The following HSD17B12 variants were observed in gnomAD, a reference collection of about 807,000 sequenced individuals.
The protein encoded by HSD17B12 is very-long-chain 3-oxoacyl-CoA reductase.
A neutral mutation model predicts 39.3 loss-of-function variants in HSD17B12; 32 were observed. That is an observed-to-expected ratio of 0.81 (90% CI 0.61 to 1.09). The LOEUF (loss-of-function observed/expected upper bound fraction) is 1.09, where lower values mean the gene tolerates loss of function less well. Among genes scored for constraint, HSD17B12 ranks in the 50% least tolerant of loss-of-function variants. The pLI is 0.00. For missense variants in HSD17B12, 342 were observed against 382.9 expected (o/e 0.89, Z 0.89); for synonymous variants, 150 against 146.7 (o/e 1.02, Z -0.16).
At chr11:43,690,386 A>G (rs1430756196) in intron 1 of HSD17B12, among the ~76,000 whole-genome samples, 2 of 10,310 alleles carry the variant, frequency 1.9e-4, no homozygotes, top group African/African-American at 9.0e-4. Context: ...ATATATATAT[A>G]TATATATATA....
At chr11:43,604,063 A>G in the HSD17B12 span, among the ~76,000 whole-genome samples, 2 of 152,196 alleles carry the variant, frequency 1.3e-5, no homozygotes, top group Non-Finnish European at 2.9e-5. Context: ...ATTATGTAAC[A>G]TAGGCTTATT....
intron 4 of HSD17B12, among the ~76,000 whole-genome samples, chr11:43,812,464 A>G (rs995966143): frequency 1.3e-5 from 2 of 152,138 alleles, no homozygotes; most frequent in African/African-American, 4.8e-5. Context: ...GATTTCTGTG[A>G]TGATTGGTGA....
chr11:43,721,050 A>G (rs910260107), intron 1 of HSD17B12, among the ~76,000 whole-genome samples: 1 of 151,848 alleles, frequency 6.6e-6, no homozygotes, highest in Non-Finnish European at 1.5e-5. Context: ...GCTGCTGCAG[A>G]TTACTAATTT....
the HSD17B12 span, among the ~76,000 whole-genome samples, chr11:43,647,930 G>C: frequency 6.6e-6 from 1 of 152,014 alleles, no homozygotes; most frequent in African/African-American, 2.4e-5. Context: ...GCCCTGCTGG[G>C]CCCTTTGTTT....
intron 1 of HSD17B12, among the ~76,000 whole-genome samples, chr11:43,741,206 T>C (rs955788724): frequency 6.6e-6 from 1 of 152,254 alleles, no homozygotes; most frequent in Admixed American, 6.5e-5. Flanking sequence ...TTGACATTCA[T>C]ATGTTTTTTA....
chr11:43,792,798 C>T (rs1590304773), intron 3 of HSD17B12, among the ~76,000 whole-genome samples: 1 of 148,050 alleles, frequency 6.8e-6, no homozygotes, highest in Non-Finnish European at 1.5e-5. Context: ...GGTGGTACTA[C>T]AGGCGTGCAC....
rs1210802435 is a variant in HSD17B12 at position 43,714,535 on chromosome 11, T to C, written c.160+33548T>C. 2.6e-5 allele frequency among the ~76,000 whole-genome samples: 4 copies of C among 152,296 alleles called. No individual in the cohort carries two copies. In the East Asian group the frequency reaches 7.7e-4, roughly 29 times the overall value. ...TGTTTTGGTTACTGTAGCCTTGTAG[T>C]ATAGTTTGAAGTCAGGTAGCATGAT... On this transcript the variant is annotated intron_variant, in intron 1 of 10. Coordinates refer to ENST00000278353, the MANE Select transcript of HSD17B12 (RefSeq NM_016142.3).
At chr11:43,835,321 C>G (rs560243259) in intron 7 of HSD17B12, among the ~76,000 whole-genome samples, 4 of 152,208 alleles carry the variant, frequency 2.6e-5, no homozygotes, top group African/African-American at 9.6e-5. Flanking sequence ...CTAGACAACA[C>G]GGTTGATTTA....
the HSD17B12 span, among the ~76,000 whole-genome samples, chr11:43,657,807 C>T: frequency 1.6e-4 from 25 of 152,284 alleles, 1 homozygote; most frequent in East Asian, 3.9e-3. Context: ...GTGGGTAACC[C>T]GACCTTTCTC....
the HSD17B12 span, chr11:43,640,970 A>G: frequency 1.3e-5 from 2 of 151,840 alleles, no homozygotes; most frequent in African/African-American, 2.4e-5. Context: ...CAAAAATTTC[A>G]TCTCCTGAAG....
At chr11:43,819,821 C>G (rs572553709) in intron 6 of HSD17B12, among the ~76,000 whole-genome samples, 1 of 152,300 alleles carries the variant, frequency 6.6e-6, no homozygotes, top group East Asian at 1.9e-4. Flanking sequence ...TTAAAAAGCA[C>G]TAAGGGAGTT....
intron 3 of HSD17B12, among the ~76,000 whole-genome samples, chr11:43,773,751 A>G (rs1035714099): frequency 1.3e-5 from 2 of 152,226 alleles, no homozygotes; most frequent in African/African-American, 4.8e-5. Context: ...CTTGGAAGGA[A>G]TACATTTAAA....
chr11:43,660,702 C>G, the HSD17B12 span, among the ~76,000 whole-genome samples: 1 of 152,198 alleles, frequency 6.6e-6, no homozygotes, highest in African/African-American at 2.4e-5. Context: ...AAATTAAGCT[C>G]ATGTTCTACA....
intron 1 of HSD17B12, among the ~76,000 whole-genome samples, chr11:43,688,435 A>G (rs1431232971): frequency 6.6e-6 from 1 of 152,174 alleles, no homozygotes; most frequent in African/African-American, 2.4e-5. Flanking sequence ...TAACTCCATA[A>G]TACCATGGTG....
the HSD17B12 span, among the ~76,000 whole-genome samples, chr11:43,663,380 G>A: frequency 6.6e-6 from 1 of 152,074 alleles, no homozygotes; most frequent in African/African-American, 2.4e-5. Context: ...GATTACTGGC[G>A]TGAGCCACCA....
intron 6 of HSD17B12, among the ~76,000 whole-genome samples, chr11:43,819,892 G>T (rs1329334277): frequency 6.6e-6 from 1 of 152,136 alleles, no homozygotes; most frequent in Non-Finnish European, 1.5e-5. Context: ...TCTTTAATAT[G>T]AATCTGAATT....
At chr11:43,759,002 G>A (rs1313827593) in intron 3 of HSD17B12, among the ~76,000 whole-genome samples, 1 of 152,178 alleles carries the variant, frequency 6.6e-6, no homozygotes, top group Non-Finnish European at 1.5e-5. Flanking sequence ...GGATCAGGCA[G>A]CGCCCAGTCA....
chr11:43,659,471 T>C, the HSD17B12 span, among the ~76,000 whole-genome samples: 2 of 152,146 alleles, frequency 1.3e-5, no homozygotes, highest in Non-Finnish European at 2.9e-5. Context: ...AAATCACCCA[T>C]CTTCTGCATC....
At chr11:43,661,342 ACT>A in the HSD17B12 span, among the ~76,000 whole-genome samples, 1 of 151,908 alleles carries the variant, frequency 6.6e-6, no homozygotes, top group African/African-American at 2.4e-5. Context: ...GCATGAAGAA[ACT>A]CTTGGAGATT....
Sources: gnomAD v4.1 joint callset for allele counts (sites outside exome capture counted in the v4.1 genomes callset) on GRCh38, gnomAD v4.1.1 for gene constraint, MANE v1.5 for transcripts, NCBI Gene and HGNC (gene_info 2026-07-23, HGNC 2026-07-21) for gene names.